The following ADGRG7 variants were observed in gnomAD, a reference collection of about 807,000 sequenced individuals.
The protein encoded by ADGRG7 is adhesion G protein-coupled receptor G7.
ADGRG7 carries 82 observed loss-of-function variants against 88.6 expected under a neutral mutation model. The ratio of observed to expected loss-of-function variants is 0.93; its 90% CI spans 0.77 to 1.11. The LOEUF is 1.11. Ranked by LOEUF, ADGRG7 falls within the 50% of genes most tolerant of loss-of-function variation. The pLI is 0.00. For synonymous variants in ADGRG7, 381 were observed against 345.2 expected, an observed-to-expected ratio of 1.10 and a Z score of -1.15; for missense variants, 945 against 953.4, an observed-to-expected ratio of 0.99 and a Z score of 0.12.
chr3:100,651,528 C>A (rs193242827), intron 11 of ADGRG7, among the ~76,000 whole-genome samples: 2 of 152,030 alleles, frequency 1.3e-5, no homozygotes, highest in Non-Finnish European at 2.9e-5. Context: ...AAAGATACCA[C>A]TAAAATTCAT....
intron 14 of ADGRG7, among the ~76,000 whole-genome samples, chr3:100,660,336 G>T (rs149252747): frequency 0.025 from 3,853 of 152,108 alleles, 74 homozygotes; most frequent in Non-Finnish European, 0.04. Flanking sequence ...ACAGGGTCTT[G>T]CTCTGCCATC....
Position 100,637,354 on chromosome 3 carries a change from A to G in ADGRG7, c.650A>G (p.Asp217Gly). The G allele has an allele frequency of 6.2e-7, 1 of 1,613,988 alleles. No individual in the cohort carries two copies. Among genetic ancestry groups the G allele is most frequent in the Non-Finnish European group, 8.5e-7 (1 of 1,179,896 alleles). Residue 217 changes from aspartate (D) to glycine (G), a missense_variant, in exon 6 of 16, where the codon GAT (aspartate) becomes GGT (glycine). Coordinates refer to ENST00000273352, the MANE Select transcript of ADGRG7 (RefSeq NM_032787.3). ...AGTCAACTCCTAGATGCCAGTGAAG[A>G]TGCTTTTCAAAGAGTTGCTGCTACT... The part of the protein sequence containing the change: ...TVSQLLDASE[D>G]AFQRVAATAN...
intron 1 of ADGRG7, among the ~76,000 whole-genome samples, chr3:100,627,355 T>A (rs1306927915): frequency 6.6e-6 from 1 of 152,232 alleles, no homozygotes; most frequent in Admixed American, 6.5e-5. Context: ...TATGATTAAT[T>A]AAATTAATTG....
intron 10 of ADGRG7, among the ~76,000 whole-genome samples, chr3:100,649,026 T>C (rs1016606451): frequency 4.6e-5 from 7 of 152,210 alleles, no homozygotes; most frequent in African/African-American, 1.7e-4. Flanking sequence ...TTTATGAAAA[T>C]ATTTCTGCAA....
At chr3:100,670,463 G>A (rs1450939685) in intron 15 of ADGRG7, among the ~76,000 whole-genome samples, 1 of 152,168 alleles carries the variant, frequency 6.6e-6, no homozygotes, top group Admixed American at 6.5e-5. Context: ...ATAGTGCTGT[G>A]AAAAACACGG....
intron 4 of ADGRG7, 47 bp downstream of exon 4, chr3:100,633,424 C>A: frequency 9.3e-7 from 1 of 1,073,534 alleles, no homozygotes; most frequent in Non-Finnish European, 1.4e-6. Flanking sequence ...AGTTCTGATT[C>A]CGTGCAGTTT....
intron 3 of ADGRG7, among the ~76,000 whole-genome samples, 166 bp downstream of exon 3, chr3:100,630,975 C>T (rs1476476529): frequency 2.0e-5 from 3 of 152,164 alleles, no homozygotes; most frequent in Non-Finnish European, 4.4e-5. Context: ...AAGGTAGTAT[C>T]TCACAAAATC....
At chr3:100,621,869 T>G (rs538626620) in intron 1 of ADGRG7, among the ~76,000 whole-genome samples, 1 of 152,334 alleles carries the variant, frequency 6.6e-6, no homozygotes, top group East Asian at 1.9e-4. Flanking sequence ...GGACAGGTTC[T>G]CTTGTTAGTA....
intron 1 of ADGRG7, among the ~76,000 whole-genome samples, chr3:100,627,979 T>A (rs147136338): frequency 6.6e-6 from 1 of 152,300 alleles, no homozygotes; most frequent in Non-Finnish European, 1.5e-5. Context: ...TTTTTAAATC[T>A]TTTTTCTCCC....
rs186231216 is a variant in ADGRG7 at position 100,644,282 on chromosome 3, A to G, written c.946+649A>G. 1.8e-3 allele frequency among the ~76,000 whole-genome samples: 274 copies of G among 152,324 alleles called. 4 individuals carry two copies. The highest frequency in any genetic ancestry group is 0.015 in the Admixed American group (228 of 15,296). ...TCAGAAAGTATATGTGTTAGATAGA[A>G]TATATTTATAATAGCACTAAAAAAG... is the stretch of plus-strand genomic sequence containing the variant. On this transcript the variant is annotated intron_variant, in intron 8 of 15. Coordinates refer to ENST00000273352, the MANE Select transcript of ADGRG7 (RefSeq NM_032787.3).
chr3:100,677,065 CAG>C (rs2094966405), intron 15 of ADGRG7, among the ~76,000 whole-genome samples: 1 of 151,916 alleles, frequency 6.6e-6, no homozygotes, highest in African/African-American at 2.4e-5. Flanking sequence ...CTTTTGATTG[CAG>C]AGTTTAGTTC....
chr3:100,658,971 T>C (rs1269728845), intron 13 of ADGRG7, among the ~76,000 whole-genome samples: 1 of 152,150 alleles, frequency 6.6e-6, no homozygotes, highest in Non-Finnish European at 1.5e-5. Flanking sequence ...CAACAATGCC[T>C]GTAGGTGGTT....
intron 15 of ADGRG7, among the ~76,000 whole-genome samples, chr3:100,690,506 C>A (rs2094991400): frequency 6.6e-6 from 1 of 152,102 alleles, no homozygotes; most frequent in Non-Finnish European, 1.5e-5. Flanking sequence ...GTTTTATCTA[C>A]CTTTGGTCTT....
chr3:100,680,281 C>T (rs2094971283), intron 15 of ADGRG7, among the ~76,000 whole-genome samples: 1 of 152,022 alleles, frequency 6.6e-6, no homozygotes, highest in Admixed American at 6.6e-5. Context: ...ATCTGATATC[C>T]AGCTTTATGC....
intron 1 of ADGRG7, among the ~76,000 whole-genome samples, chr3:100,622,539 A>G (rs868494431): frequency 2.0e-5 from 3 of 152,206 alleles, no homozygotes; most frequent in South Asian, 2.1e-4. Flanking sequence ...GCCCATCCAT[A>G]TATCTTCTTT....
chr3:100,639,685 G>A (rs1408247596), intron 6 of ADGRG7, among the ~76,000 whole-genome samples: 1 of 152,168 alleles, frequency 6.6e-6, no homozygotes, highest in Admixed American at 6.5e-5. Context: ...TTGCTAGACG[G>A]GAGGAATGAA....
In ADGRG7 at chr3:100,655,038, C is replaced by T. The variant is rs2094935574; in HGVS notation, c.1583C>T (p.Ala528Val). The stretch of plus-strand genomic sequence containing the variant: ...AACATCCCGAATCCCATGTGCACTG[C>T]GATTGCCGCCTTACTGCACTATTTT... ...TINIPNPMCT[A>V]IAALLHYFLL... Residue 528 changes from alanine to valine, a missense_variant, in exon 12 of 16, where the codon GCG becomes GTG. Transcript: ENST00000273352. 1.2e-6 allele frequency: 2 copies of T among 1,614,102 alleles called. No homozygotes were observed. The highest frequency in any genetic ancestry group is 3.3e-5 in the Admixed American group (2 of 60,020).
intron 15 of ADGRG7, among the ~76,000 whole-genome samples, chr3:100,672,145 G>T (rs1460696757): frequency 6.6e-6 from 1 of 152,100 alleles, no homozygotes; most frequent in African/African-American, 2.4e-5. Flanking sequence ...ATTACTTTGG[G>T]CAGTATGGCC....
Position 100,654,959 on chromosome 3 carries a change from G to A in ADGRG7, c.1504G>A (p.Asp502Asn), listed in dbSNP as rs750068150. 1.9e-6 allele frequency: 3 copies of A among 1,613,646 alleles called. No individual in the cohort carries two copies. The highest frequency in any genetic ancestry group is 2.7e-5 in the African/African-American group (2 of 74,910). The change falls in exon 12 of 16, where the codon GAC (aspartate) becomes AAC (asparagine). Residue 502 changes from aspartate to asparagine, a missense_variant. Coordinates refer to ENST00000273352, the MANE Select transcript of ADGRG7 (RefSeq NM_032787.3). ...SNKNLQTSDG[D>N]INNIDFDNND... The stretch of plus-strand genomic sequence containing the variant: ...TAAGAACTTGCAGACAAGTGATGGT[G>A]ACATCAATAATATTGACTTTGACAA...
Sources: gnomAD v4.1 joint callset for allele counts (sites outside exome capture counted in the v4.1 genomes callset) on GRCh38, gnomAD v4.1.1 for gene constraint, MANE v1.5 for transcripts, NCBI Gene and HGNC (gene_info 2026-07-23, HGNC 2026-07-21) for gene names.